MEAF6: variants seen among roughly 807,000 people sequenced by gnomAD.
MEAF6 encodes the protein chromatin modification-related protein MEAF6.
MEAF6 carries 15 observed loss-of-function variants against 28.9 expected under a neutral mutation model. The ratio of observed to expected loss-of-function variants is 0.52; its 90% CI spans 0.35 to 0.80. The LOEUF is 0.80. Among genes scored for constraint, MEAF6 ranks in the 30% least tolerant of loss-of-function variants. The pLI, the probability that MEAF6 is intolerant of heterozygous loss-of-function variation, is 0.01. For missense variants in MEAF6, 178 were observed against 237.5 expected, an observed-to-expected ratio of 0.75 and a Z score of 1.65; for synonymous variants, 97 against 88.7, an observed-to-expected ratio of 1.09 and a Z score of -0.53.
rs1355240239 is a variant in MEAF6 at position 37,492,955 on chromosome 1, T to C, written c.*1144A>G. 2 of 152,228 alleles carry C rather than the reference T, an allele frequency of 1.3e-5. No individual in the cohort carries two copies. Among genetic ancestry groups the C allele is most frequent in the Non-Finnish European group, 2.9e-5 (2 of 68,042 alleles). The allele number at this position is 152,228 out of a possible 1,614,324, so 9.4% of individuals were successfully genotyped here. A position where few individuals can be genotyped will look rare whatever the true frequency, so the allele number is the denominator to read the frequency against. ...GATCCAGGCATGAGTATTTTAAAGC[T>C]TCTCAGGTGATTCCAATGTGCAGCC... On this transcript the variant is annotated 3_prime_UTR_variant, in exon 7 of 7. Transcript: ENST00000296214.
chr1:37,500,668 G>A (rs1642270786), intron 5 of MEAF6, among the ~76,000 whole-genome samples: 1 of 152,158 alleles, frequency 6.6e-6, no homozygotes. Context: ...AGAACCAGCT[G>A]ACGCCAATCA....
At chr1:37,495,979 C>A (rs1164155305) in intron 5 of MEAF6, 61 bp from the exon 6 acceptor site, 3 of 1,364,970 alleles carry the variant, frequency 2.2e-6, no homozygotes, top group Non-Finnish European at 1.0e-6. Context: ...GTCCCACAAT[C>A]AGCTACTGCA....
chr1:37,513,460 T>C lies in MEAF6; in HGVS notation c.169A>G (p.Ile57Val). Residue 57 changes from isoleucine (I) to valine (V), a missense_variant, in exon 2 of 7, where the codon ATT becomes GTT. Ile to Val is a conservative substitution (Grantham distance 29). Around this residue, in one of 2 missense-constraint regions of MEAF6, gnomAD observed 124 missense variants for 200.5 expected, o/e 0.62. Transcript: ENST00000296214. ...AGATACCGATCCCAGCCACGAATAA[T>C]ATTGCCATACATCTGAGTGTCTTCC... The part of the protein sequence containing the change: ...YLEDTQMYGN[I>V]IRGWDRYLTN... 6.2e-7 allele frequency: 1 copy of C among 1,614,186 alleles called. No individual in the cohort carries two copies. Among genetic ancestry groups the C allele is most frequent in the Non-Finnish European group, 8.5e-7 (1 of 1,180,010 alleles).
At chr1:37,508,926 G>A (rs1642574412) in intron 4 of MEAF6, among the ~76,000 whole-genome samples, 1 of 152,188 alleles carries the variant, frequency 6.6e-6, no homozygotes, top group Admixed American at 6.5e-5. Context: ...GTGAGACTCT[G>A]TCTCTTTAAA....
intron 5 of MEAF6, among the ~76,000 whole-genome samples, chr1:37,497,732 C>T (rs1642168348): frequency 1.3e-5 from 2 of 152,240 alleles, no homozygotes; most frequent in South Asian, 2.1e-4. Context: ...GCTGGGATTA[C>T]AGGCGCCTGC....
chr1:37,514,556 G>GC, intron 1 of MEAF6, 101 bp downstream of exon 1: 1 of 857,088 alleles, frequency 1.2e-6, no homozygotes, highest in Non-Finnish European at 1.6e-6. Context: ...GCCGCGCCGC[G>GC]CCCCCGGAGT....
At position 37,491,903 on chromosome 1, in the gene MEAF6, G is replaced by C. The variant is rs1418153873; in HGVS notation, c.*2196C>G. Among the ~76,000 whole-genome samples, 1 of 146,464 alleles carries C rather than the reference G, an allele frequency of 6.8e-6. No homozygotes were observed. The highest frequency in any genetic ancestry group is 1.5e-5 in the Non-Finnish European group (1 of 66,980). On this transcript the variant is annotated 3_prime_UTR_variant, in exon 7 of 7. Coordinates refer to ENST00000296214, the MANE Select transcript of MEAF6 (RefSeq NM_001270875.3). ...TACGTAAATAATCTTTTTAAGAGCA[G>C]TACTATTCTTTCTTTTTTTTTTTTT...
intron 2 of MEAF6, among the ~76,000 whole-genome samples, chr1:37,509,942 A>G (rs1642611069): frequency 6.6e-6 from 1 of 151,412 alleles, no homozygotes; most frequent in Non-Finnish European, 1.5e-5. Flanking sequence ...ATACCTGGCA[A>G]ATTTTTGTAT....
intron 5 of MEAF6, 155 bp downstream of exon 5, chr1:37,501,649 C>T (rs937902462): frequency 5.7e-5 from 38 of 670,642 alleles, no homozygotes; most frequent in Non-Finnish European, 2.1e-5. Context: ...CAATTCCTCC[C>T]TTTGAGCAAA....
At chr1:37,512,340 T>C (rs1433285721) in intron 2 of MEAF6, among the ~76,000 whole-genome samples, 1 of 152,208 alleles carries the variant, frequency 6.6e-6, no homozygotes, top group East Asian at 1.9e-4. Context: ...TATGAATCTA[T>C]AATTATTTCA....
chr1:37,509,809 C>T (rs1642606099), intron 2 of MEAF6, among the ~76,000 whole-genome samples: 1 of 152,158 alleles, frequency 6.6e-6, no homozygotes, highest in Non-Finnish European at 1.5e-5. Context: ...CGGAGTCTTG[C>T]TCTGTCGCCT....
intron 4 of MEAF6, among the ~76,000 whole-genome samples, chr1:37,505,689 C>T (rs184768175): frequency 6.6e-6 from 1 of 152,284 alleles, no homozygotes; most frequent in East Asian, 1.9e-4. Flanking sequence ...AAAAAAACAA[C>T]ATGCTACACA....
intron 4 of MEAF6, among the ~76,000 whole-genome samples, chr1:37,505,266 A>G (rs1277488476): frequency 1.3e-5 from 2 of 152,216 alleles, no homozygotes; most frequent in African/African-American, 2.4e-5. Flanking sequence ...TACAAGAAGT[A>G]AAGGAAAGAG....
chr1:37,505,510 C>T (rs568922457), intron 4 of MEAF6, among the ~76,000 whole-genome samples: 1 of 152,272 alleles, frequency 6.6e-6, no homozygotes, highest in African/African-American at 2.4e-5. Flanking sequence ...CTTAGCTCAT[C>T]AGCTATAGTG....
chr1:37,513,681 G>A (rs1642738840), intron 1 of MEAF6, 143 bp from the exon 2 acceptor site: 1 of 686,238 alleles, frequency 1.5e-6, no homozygotes, highest in Non-Finnish European at 2.6e-6. Context: ...AAGATACGGG[G>A]AGGAGGAGCC....
At chr1:37,506,211 T>C (rs1300160407) in intron 4 of MEAF6, among the ~76,000 whole-genome samples, 1 of 150,832 alleles carries the variant, frequency 6.6e-6, no homozygotes, top group Non-Finnish European at 1.5e-5. Context: ...GTGGAGGTTG[T>C]GGTGAGCCAA....
At chr1:37,507,453 T>TAAAA (rs34744420) in intron 4 of MEAF6, among the ~76,000 whole-genome samples, 1 of 129,230 alleles carries the variant, frequency 7.7e-6, no homozygotes. Flanking sequence ...AAGTAAGATT[T>TAAAA]AAAAAAAAAA....
intron 1 of MEAF6, 28 bp from the exon 2 acceptor site, chr1:37,513,566 T>G (rs1642735290): frequency 6.6e-7 from 1 of 1,520,490 alleles, no homozygotes; most frequent in African/African-American, 1.4e-5. Context: ...AGGACATGAA[T>G]GATACCTTTT....
At chr1:37,501,622 G>A (rs1254014940) in intron 5 of MEAF6, 182 bp downstream of exon 5, 9 of 494,024 alleles carry the variant, frequency 1.8e-5, no homozygotes, top group Non-Finnish European at 3.2e-5. Flanking sequence ...TTCCTTGAGG[G>A]TTACTCTAAT....
Sources: gnomAD v4.1 joint callset for allele counts (sites outside exome capture counted in the v4.1 genomes callset) on GRCh38, gnomAD v4.1.1 for gene constraint, gnomAD v4.1.1 regional missense constraint, MANE v1.5 for transcripts, NCBI Gene and HGNC (gene_info 2026-07-23, HGNC 2026-07-21) for gene names.